The following NDST3 variants were observed in gnomAD, a reference collection of about 807,000 sequenced individuals.
NDST3 encodes the protein bifunctional heparan sulfate N-deacetylase/N-sulfotransferase 3.
A neutral mutation model predicts 96.1 loss-of-function variants in NDST3; 58 were observed. That is an observed-to-expected ratio of 0.60 (90% confidence interval 0.49 to 0.75). The LOEUF is 0.75. NDST3 is among the 30% of genes least tolerant of loss of function. The pLI is 0.00. For synonymous variants in NDST3, 333 were observed against 359.7 expected, an observed-to-expected ratio of 0.93 and a Z score of 0.84; for missense variants, 788 against 1,034.2, an observed-to-expected ratio of 0.76 and a Z score of 3.27.
At chr4:118,182,328 T>A (rs1273155203) in intron 6 of NDST3, among the ~76,000 whole-genome samples, 1 of 152,138 alleles carries the variant, frequency 6.6e-6, no homozygotes, top group Non-Finnish European at 1.5e-5. Context: ...AAAGGCACAA[T>A]TCAAACATTT....
At chr4:118,093,541 CTAA>C (rs1560637376) in intron 2 of NDST3, among the ~76,000 whole-genome samples, 5 of 151,826 alleles carry the variant, frequency 3.3e-5, no homozygotes, top group African/African-American at 1.2e-4. Context: ...TGCCTGTACC[CTAA>C]CTTATATATG....
At chr4:118,191,650 G>A (rs964076499) in intron 6 of NDST3, among the ~76,000 whole-genome samples, 3 of 152,178 alleles carry the variant, frequency 2.0e-5, no homozygotes, top group African/African-American at 7.2e-5. Context: ...GGAATGCAAT[G>A]TGTAATAATT....
chr4:118,061,232 C>T lies in NDST3; in HGVS notation c.981+6341C>T, dbSNP rs138465565. 2.0e-3 allele frequency among the ~76,000 whole-genome samples: 311 copies of T among 152,236 alleles called. 1 individual carries two copies. Among genetic ancestry groups the T allele is most frequent in the African/African-American group, 7.2e-3 (300 of 41,552 alleles). ...TTGCTGTTCTTTCTCCCTAAAGTGT[C>T]CTTCCCCCAGATTGGTGCATGGCTC... On this transcript the variant is annotated intron_variant, in intron 2 of 13. Transcript: ENST00000296499.
In NDST3 at chr4:118,240,530, C is replaced by T; in HGVS notation, c.2125C>T (p.Arg709Ter). The T allele has an allele frequency of 1.9e-6, 3 of 1,599,258 alleles. No homozygotes were observed. Among genetic ancestry groups the T allele is most frequent in the South Asian group, 1.1e-5 (1 of 88,472 alleles). ...ATCCACCTTTTCATCATAGCATCAG[C>T]GATCACATGAAGACCCTGCAGCTCT... ...DRAYSWYQHQRSHEDPAALKF... is the reference protein window; with the variant it reads ...DRAYSWYQHQ The change falls in exon 11 of 14, where the codon CGA (arginine) becomes TGA (stop). Residue 709 changes from arginine (R) to a stop codon, truncating the protein, a stop_gained. Transcript: ENST00000296499. LOFTEE classifies it high-confidence loss of function.
rs116503021 is a variant in NDST3 at position 118,190,611 on chromosome 4, C to T, written c.1540-33880C>T. Among the ~76,000 whole-genome samples, 618 of 152,242 alleles carry T rather than the reference C, an allele frequency of 4.1e-3. 6 individuals carry two copies. The highest frequency in any genetic ancestry group is 0.014 in the African/African-American group (598 of 41,544). ...TGCATACCAGGTATAGAGGTCAGGA[C>T]AGAAGACAGAGCTGTGAAGACTATA... is the stretch of plus-strand genomic sequence containing the variant. On this transcript the variant is annotated intron_variant, in intron 6 of 13. Transcript: ENST00000296499.
At chr4:118,103,236 AT>A (rs976545919) in intron 2 of NDST3, among the ~76,000 whole-genome samples, 70 of 152,278 alleles carry the variant, frequency 4.6e-4, no homozygotes, top group South Asian at 8.3e-4. Flanking sequence ...CACAAAAAAA[AT>A]ATGTTCAAAT....
intron 4 of NDST3, among the ~76,000 whole-genome samples, chr4:118,133,094 C>T (rs1732772568): frequency 6.6e-6 from 1 of 152,140 alleles, no homozygotes; most frequent in Non-Finnish European, 1.5e-5. Flanking sequence ...CACATGCCAC[C>T]CTAGTCCACT....
intron 2 of NDST3, among the ~76,000 whole-genome samples, chr4:118,071,030 C>G (rs937522900): frequency 2.6e-5 from 4 of 152,128 alleles, no homozygotes; most frequent in Middle Eastern, 3.4e-3. Context: ...CAGCTTCATC[C>G]ATGTCCCTAG....
At chr4:118,246,996 G>A (rs1301648985) in intron 12 of NDST3, among the ~76,000 whole-genome samples, 1 of 152,126 alleles carries the variant, frequency 6.6e-6, no homozygotes, top group Non-Finnish European at 1.5e-5. Flanking sequence ...ACTTTGGAAA[G>A]CAGTTTTGCA....
chr4:118,234,040 T>A lies in NDST3; in HGVS notation c.1943+905T>A, dbSNP rs1283988031. Among the ~76,000 whole-genome samples, 6 of 152,168 alleles carry A rather than the reference T, an allele frequency of 3.9e-5. No individual in the cohort carries two copies. The East Asian group carries it at 1.2e-3, about 29-fold the overall frequency. On this transcript the variant is annotated intron_variant, in intron 9 of 13. Coordinates refer to ENST00000296499, the MANE Select transcript of NDST3 (RefSeq NM_004784.3). ...TTACATATATTCTAATTGTTATATA[T>A]TTCACTGCCAATTTTTCAGTTCAGG...
In NDST3 at chr4:118,253,565, G is replaced by A. The variant is rs779304441; in HGVS notation, c.2466G>A (p.Lys822=). Residue 822 remains lysine, a synonymous_variant, in exon 13 of 14, where the codon AAG becomes AAA. Coordinates refer to ENST00000296499, the MANE Select transcript of NDST3 (RefSeq NM_004784.3). ...AAGGTAAAACAAAATGCCTTGGAAAGAGCAAAGGAAGAAAATACCCTCCAA... is the reference window on the plus strand; with the variant it reads ...AAGGTAAAACAAAATGCCTTGGAAAAAGCAAAGGAAGAAAATACCCTCCAA... ...LEEGKTKCLG[K]SKGRKYPPMD... is the part of the protein sequence containing the mutation. The A allele has an allele frequency of 2.5e-5, 40 of 1,612,526 alleles. No individual in the cohort carries two copies. The highest frequency in any genetic ancestry group is 4.0e-5 in the African/African-American group (3 of 74,848).
chr4:118,045,277 C>G (rs145846384), intron 1 of NDST3, among the ~76,000 whole-genome samples: 1 of 152,072 alleles, frequency 6.6e-6, no homozygotes, highest in Non-Finnish European at 1.5e-5. Flanking sequence ...CTCACCACCC[C>G]CTGGAGCATT....
Position 118,207,826 on chromosome 4 carries a change from A to T in NDST3, c.1540-16665A>T, listed in dbSNP as rs896923072. 8.3e-5 allele frequency among the ~76,000 whole-genome samples: 12 copies of T among 144,722 alleles called. 1 individual carries two copies. The East Asian group carries it at 9.8e-4, about 12-fold the overall frequency. 94.9% of individuals were successfully genotyped at this position (144,722 alleles called of 152,430 possible). A position where few individuals can be genotyped will look rare whatever the true frequency, so the allele number is the denominator to read the frequency against. ...TGATTCTGATAATAATATTCAAGCA[A>T]AGATTTTTAGAAAATTTTCTTTAAG... On this transcript the variant is annotated intron_variant, in intron 6 of 13. Coordinates refer to ENST00000296499, the MANE Select transcript of NDST3 (RefSeq NM_004784.3).
chr4:118,137,735 T>C (rs746991171), intron 4 of NDST3, among the ~76,000 whole-genome samples: 15 of 152,334 alleles, frequency 9.8e-5, no homozygotes, highest in East Asian at 1.9e-4. Context: ...ATTTAACTTG[T>C]TGACGTATGG....
rs1733887407 is a variant in NDST3 at position 118,145,683 on chromosome 4, C to G, written c.1539+1999C>G. Among the ~76,000 whole-genome samples, 5 of 152,094 alleles carry G rather than the reference C, an allele frequency of 3.3e-5. No individual in the cohort carries two copies. The South Asian group carries it at 1.0e-3, about 32-fold the overall frequency. On this transcript the variant is annotated intron_variant, in intron 6 of 13. Transcript: ENST00000296499. Reference sequence around the variant, plus strand: ...TCAGGCCTTTATGAATGATATTTGGCAATTTTATGTCTTGAGGAGGAGATT... The same window carrying G: ...TCAGGCCTTTATGAATGATATTTGGGAATTTTATGTCTTGAGGAGGAGATT...
At chr4:118,070,632 T>C (rs955165549) in intron 2 of NDST3, among the ~76,000 whole-genome samples, 1 of 151,362 alleles carries the variant, frequency 6.6e-6, no homozygotes, top group Non-Finnish European at 1.5e-5. Context: ...CTCAATTCTG[T>C]AGACCTCAAC....
intron 6 of NDST3, among the ~76,000 whole-genome samples, chr4:118,148,520 CCTAAAAGTTAAAT>C (rs1734127525): frequency 6.6e-6 from 1 of 151,990 alleles, no homozygotes; most frequent in South Asian, 2.1e-4. Context: ...TACTCAAATC[CCTAAAAGTTAAAT>C]CTAAATTGTG....
upstream of NDST3, chr4:118,033,772 G>A (rs1251282543): frequency 6.6e-6 from 1 of 152,460 alleles, no homozygotes. Flanking sequence ...GCGCGGAGGG[G>A]AGAGGTCGCC....
chr4:118,046,584 T>G (rs1724774301), intron 1 of NDST3, among the ~76,000 whole-genome samples: 1 of 152,190 alleles, frequency 6.6e-6, no homozygotes, highest in African/African-American at 2.4e-5. Context: ...CTGCCCAGCC[T>G]GGGTGCCTTG....
Sources: allele counts gnomAD v4.1 joint callset (sites outside exome capture counted in the v4.1 genomes callset), GRCh38; gene constraint gnomAD v4.1.1; transcripts MANE v1.5; gene names NCBI Gene and HGNC (gene_info 2026-07-23, HGNC 2026-07-21).